THSD7B: variants seen among roughly 807,000 people sequenced by gnomAD.
THSD7B encodes the protein thrombospondin type-1 domain-containing protein 7B.
A neutral mutation model predicts 213.6 loss-of-function variants in THSD7B; 138 were observed. That is an observed-to-expected ratio of 0.65 (90% CI 0.56 to 0.74). The LOEUF (loss-of-function observed/expected upper bound fraction) is 0.74. Ranked by LOEUF, THSD7B falls within the 30% of genes least tolerant of loss-of-function variation. The pLI, the probability that THSD7B is intolerant of heterozygous loss-of-function variation, is 0.00. For synonymous variants in THSD7B, 742 were observed against 687.0 expected (o/e 1.08, Z -1.25); for missense variants, 1,931 against 1,991.5 (o/e 0.97, Z 0.58).
At chr2:137,183,668 G>T (rs748090829) in intron 7 of THSD7B, among the ~76,000 whole-genome samples, 5 of 152,128 alleles carry the variant, frequency 3.3e-5, no homozygotes, top group South Asian at 2.1e-4. Flanking sequence ...AGGAAATTTT[G>T]TGGCCTCAGG....
chr2:137,671,917 T>TAAAC (rs1046777108), intron 27 of THSD7B, among the ~76,000 whole-genome samples: 34 of 152,276 alleles, frequency 2.2e-4, no homozygotes, highest in African/African-American at 6.0e-4. Context: ...TTTTCCTTTT[T>TAAAC]AAACAGTCTG....
At chr2:137,280,985 G>C (rs759509666) in intron 12 of THSD7B, among the ~76,000 whole-genome samples, 1 of 152,064 alleles carries the variant, frequency 6.6e-6, no homozygotes, top group Non-Finnish European at 1.5e-5. Flanking sequence ...TTATCAGCCC[G>C]TGAGTATACT....
intron 10 of THSD7B, among the ~76,000 whole-genome samples, chr2:137,268,292 A>G (rs984507889): frequency 6.6e-6 from 1 of 151,800 alleles, no homozygotes; most frequent in Non-Finnish European, 1.5e-5. Context: ...TCCTAATGCT[A>G]TCCCTCCCCC....
chr2:137,589,108 A>G lies in THSD7B; in HGVS notation c.3423+16552A>G, dbSNP rs187852142. Among the ~76,000 whole-genome samples, 16 of 152,284 alleles carry G rather than the reference A, an allele frequency of 1.1e-4. No individual in the cohort carries two copies. The East Asian group carries it at 2.5e-3, about 24-fold the overall frequency. On this transcript the variant is annotated intron_variant, in intron 17 of 27. Coordinates refer to ENST00000409968, the MANE Select transcript of THSD7B (RefSeq NM_001316349.2). Reference sequence around the variant, plus strand: ...TGTTGTCCTTTTAAAATCAAATAACATAAGTGTATGCTTTTGATATTTGGC... The same window carrying G: ...TGTTGTCCTTTTAAAATCAAATAACGTAAGTGTATGCTTTTGATATTTGGC...
At chr2:137,441,934 C>T (rs1687420961) in intron 14 of THSD7B, among the ~76,000 whole-genome samples, 1 of 152,020 alleles carries the variant, frequency 6.6e-6, no homozygotes, top group Non-Finnish European at 1.5e-5. Flanking sequence ...TTCTACTCTG[C>T]TATATAGCTT....
intron 10 of THSD7B, among the ~76,000 whole-genome samples, chr2:137,260,389 G>T (rs904637034): frequency 6.6e-6 from 1 of 152,082 alleles, no homozygotes; most frequent in Non-Finnish European, 1.5e-5. Flanking sequence ...GTTGAAACAA[G>T]GTAGGTCATA....
chr2:137,295,205 T>A (rs7575768), intron 12 of THSD7B, among the ~76,000 whole-genome samples: 7,724 of 152,232 alleles, frequency 0.051, 470 homozygotes, highest in African/African-American at 0.14. Flanking sequence ...AAACACTAGC[T>A]CAACCAGCAG....
At chr2:136,852,284 A>G (rs1683109915) in intron 1 of THSD7B, among the ~76,000 whole-genome samples, 1 of 151,854 alleles carries the variant, frequency 6.6e-6, no homozygotes, top group Non-Finnish European at 1.5e-5. Flanking sequence ...AAGGTAAGGC[A>G]GTCCTGGGCT....
chr2:136,871,035 T>C (rs189360902), intron 1 of THSD7B, among the ~76,000 whole-genome samples: 1 of 152,172 alleles, frequency 6.6e-6, no homozygotes, highest in Non-Finnish European at 1.5e-5. Context: ...TGCTGTCAAC[T>C]AGATTTGCAG....
At chr2:137,408,213 A>G (rs1317462359) in intron 13 of THSD7B, among the ~76,000 whole-genome samples, 1 of 152,190 alleles carries the variant, frequency 6.6e-6, no homozygotes, top group East Asian at 1.9e-4. Flanking sequence ...TAGAGGCAGC[A>G]TATATTTGTA....
chr2:137,195,443 C>T (rs926003631), intron 7 of THSD7B, among the ~76,000 whole-genome samples: 6 of 151,800 alleles, frequency 4.0e-5, no homozygotes, highest in South Asian at 4.2e-4. Context: ...ATTCCTGGTG[C>T]GAATCAGAAA....
intron 14 of THSD7B, among the ~76,000 whole-genome samples, chr2:137,413,157 A>G (rs992719613): frequency 6.6e-6 from 1 of 152,234 alleles, no homozygotes; most frequent in South Asian, 2.1e-4. Context: ...ATTGCTTTAT[A>G]TAGGCTTCCT....
intron 12 of THSD7B, among the ~76,000 whole-genome samples, chr2:137,339,996 C>G (rs567885205): frequency 2.8e-4 from 43 of 151,330 alleles, no homozygotes; most frequent in Non-Finnish European, 3.5e-4. Flanking sequence ...TCTAATAATT[C>G]TGTCATAGGA....
At chr2:137,043,665 G>A (rs1686920862) in intron 2 of THSD7B, among the ~76,000 whole-genome samples, 1 of 152,118 alleles carries the variant, frequency 6.6e-6, no homozygotes, top group African/African-American at 2.4e-5. Flanking sequence ...TAATGGCCTA[G>A]GAAGCTTGCA....
At chr2:136,878,671 A>T (rs1172355206) in intron 1 of THSD7B, among the ~76,000 whole-genome samples, 1 of 152,246 alleles carries the variant, frequency 6.6e-6, no homozygotes, top group South Asian at 2.1e-4. Flanking sequence ...ATGGCCAGTG[A>T]TGATGAGCAT....
intron 12 of THSD7B, among the ~76,000 whole-genome samples, chr2:137,294,604 A>AG (rs1683413166): frequency 6.8e-6 from 1 of 146,260 alleles, no homozygotes; most frequent in South Asian, 2.2e-4. Context: ...AAAAAAAAAA[A>AG]GAAAGGGAGA....
chr2:137,250,230 T>C (rs1423573340), intron 10 of THSD7B, among the ~76,000 whole-genome samples: 1 of 152,210 alleles, frequency 6.6e-6, no homozygotes, highest in African/African-American at 2.4e-5. Context: ...CTCTATTTGA[T>C]TACTTCTATT....
intron 14 of THSD7B, among the ~76,000 whole-genome samples, chr2:137,442,987 G>A (rs144987735): frequency 1.3e-5 from 2 of 152,206 alleles, no homozygotes; most frequent in East Asian, 3.9e-4. Context: ...AGTTTGTTAT[G>A]TGATTAAAGC....
intron 20 of THSD7B, among the ~76,000 whole-genome samples, chr2:137,626,219 T>C (rs1049276989): frequency 6.6e-6 from 1 of 152,104 alleles, no homozygotes; most frequent in Admixed American, 6.5e-5. Context: ...CCCCAGCACT[T>C]TGGGAGGCCG....
Sources: allele counts gnomAD v4.1 joint callset (sites outside exome capture counted in the v4.1 genomes callset), GRCh38; gene constraint gnomAD v4.1.1; transcripts MANE v1.5; gene names NCBI Gene and HGNC (gene_info 2026-07-23, HGNC 2026-07-21).